Variants in RNF217 observed in about 807,000 individuals in gnomAD.
RNF217 encodes the protein ring finger protein 217.
In RNF217, 31 loss-of-function variants were observed where a neutral mutation model predicts 57.8. That is an observed-to-expected ratio of 0.54 (90% CI 0.40 to 0.72). RNF217 has a LOEUF of 0.72. RNF217 is among the 30% of genes least tolerant of loss of function. RNF217 has a pLI of 0.00. For synonymous variants in RNF217, 313 were observed against 294.0 expected (o/e 1.06, Z -0.66); for missense variants, 696 against 708.3 (o/e 0.98, Z 0.20).
chr6:125,003,629 G>C (rs886148318), intron 1 of RNF217, among the ~76,000 whole-genome samples: 1 of 152,014 alleles, frequency 6.6e-6, no homozygotes, highest in Non-Finnish European at 1.5e-5. Context: ...TGATGGATTT[G>C]TTAATTAGCT....
chr6:125,058,206 G>A (rs1562489397), intron 3 of RNF217, 100 bp downstream of exon 3: 2 of 1,015,620 alleles, frequency 2.0e-6, no homozygotes, highest in Non-Finnish European at 2.7e-6. Context: ...CTTAATGCAG[G>A]TATGTGGAAA....
chr6:125,006,639 G>A (rs72613294), intron 1 of RNF217, among the ~76,000 whole-genome samples: 2,840 of 152,200 alleles, frequency 0.019, 73 homozygotes, highest in East Asian at 0.11. Flanking sequence ...TCTGAGTTTT[G>A]ATTTTTACTA....
chr6:124,964,152 C>T (rs183541067), intron 1 of RNF217, among the ~76,000 whole-genome samples: 34 of 152,304 alleles, frequency 2.2e-4, no homozygotes, highest in Middle Eastern at 6.8e-3. Context: ...TGCACCAGAC[C>T]AGCTTTCCTT....
intron 3 of RNF217, among the ~76,000 whole-genome samples, chr6:125,062,228 T>G (rs1056947014): frequency 5.3e-5 from 8 of 152,108 alleles, no homozygotes; most frequent in Non-Finnish European, 1.0e-4. Flanking sequence ...TTTATCTTAT[T>G]TATGTATTAA....
chr6:124,976,980 A>G (rs199633519), intron 1 of RNF217, among the ~76,000 whole-genome samples: 3 of 152,214 alleles, frequency 2.0e-5, no homozygotes, highest in East Asian at 3.9e-4. Flanking sequence ...TTTTCCTGAT[A>G]CTTTGCTCGT....
chr6:125,040,468 A>G (rs906517520), intron 1 of RNF217, among the ~76,000 whole-genome samples: 1 of 152,196 alleles, frequency 6.6e-6, no homozygotes, highest in Non-Finnish European at 1.5e-5. Flanking sequence ...CACCCAAAAA[A>G]TGCCCAGGAC....
intron 1 of RNF217, among the ~76,000 whole-genome samples, chr6:124,970,723 C>T (rs968423430): frequency 1.3e-5 from 2 of 152,156 alleles, no homozygotes; most frequent in African/African-American, 4.8e-5. Flanking sequence ...GGATTGGAGA[C>T]TGAGTCCGAG....
chr6:125,017,632 C>T (rs145514839), intron 1 of RNF217, among the ~76,000 whole-genome samples: 18 of 152,238 alleles, frequency 1.2e-4, no homozygotes, highest in African/African-American at 4.1e-4. Context: ...GTTCTATAGG[C>T]CTTTAAGCTC....
At chr6:124,991,274 A>T (rs540878808) in intron 1 of RNF217, among the ~76,000 whole-genome samples, 1 of 152,198 alleles carries the variant, frequency 6.6e-6, no homozygotes, top group African/African-American at 2.4e-5. Context: ...GCTCTTTCTC[A>T]CATCAAACCC....
At chr6:125,019,831 AGT>A (rs1414959874) in intron 1 of RNF217, among the ~76,000 whole-genome samples, 3 of 140,276 alleles carry the variant, frequency 2.1e-5, no homozygotes, top group Non-Finnish European at 3.1e-5. Flanking sequence ...CCTTTTTTGC[AGT>A]GGGGGGGGAG....
In RNF217 at chr6:124,963,188, C is replaced by A; in HGVS notation, c.644C>A (p.Ser215Tyr). Reference protein sequence around the residue: ...PSPRLSLPTDSLSPDGGSIEL... With the variant: ...PSPRLSLPTDYLSPDGGSIEL... ...CCCCGACTGTCCCTCCCAACGGATT[C>A]CCTCTCCCCCGACGGCGGCAGCATC... Residue 215 changes from serine (S) to tyrosine (Y), a missense_variant, in exon 1 of 6, where the codon TCC becomes TAC. Ser to Tyr is a moderately radical substitution (Grantham distance 144). Coordinates refer to ENST00000521654, the MANE Select transcript of RNF217 (RefSeq NM_001286398.3). The A allele has an allele frequency of 6.5e-7, 1 of 1,536,044 alleles. No individual in the cohort carries two copies. Among genetic ancestry groups the A allele is most frequent in the Non-Finnish European group, 8.7e-7 (1 of 1,146,896 alleles).
chr6:124,985,668 A>T (rs17052573), intron 1 of RNF217, among the ~76,000 whole-genome samples: 1 of 152,032 alleles, frequency 6.6e-6, no homozygotes, highest in African/African-American at 2.4e-5. Context: ...TTAAGGACAC[A>T]TAAAGCCACA....
chr6:125,044,912 A>G (rs1199433202), intron 1 of RNF217, among the ~76,000 whole-genome samples: 1 of 152,104 alleles, frequency 6.6e-6, no homozygotes. Context: ...TTCCAGAAAC[A>G]TGAGATGATA....
chr6:125,003,792 C>T (rs1785070699), intron 1 of RNF217, among the ~76,000 whole-genome samples: 1 of 152,020 alleles, frequency 6.6e-6, no homozygotes, highest in Admixed American at 6.6e-5. Flanking sequence ...TATCTATTAT[C>T]AGAGCTCATA....
chr6:125,085,453 T>C lies in RNF217; in HGVS notation c.*2516T>C, dbSNP rs9401804. 3.9e-4 allele frequency: 60 copies of C among 151,976 alleles called. 1 individual carries two copies. In the East Asian group the frequency reaches 9.1e-3, roughly 23 times the overall value. The allele number at this position is 151,976 out of a possible 1,614,324, so 9.4% of individuals were successfully genotyped here. ...ATTATTTGTGAATTTTTTACTAAGT[T>C]TCATCAAGATCTTAAAAAGAGAGAA... On this transcript the variant is annotated 3_prime_UTR_variant, in exon 6 of 6. Coordinates refer to ENST00000521654, the MANE Select transcript of RNF217 (RefSeq NM_001286398.3).
intron 1 of RNF217, among the ~76,000 whole-genome samples, chr6:125,029,286 G>T (rs2759263): frequency 0.64 from 97,447 of 151,926 alleles, 32,524 homozygotes; most frequent in East Asian, 0.87. Flanking sequence ...CAAAAGCAAA[G>T]ACAGCTTTTT....
chr6:125,009,629 C>A, intron 1 of RNF217: 1 of 220,282 alleles, frequency 4.5e-6, no homozygotes. Flanking sequence ...TTTCTCCCTC[C>A]TGCCCTTCCT....
intron 1 of RNF217, among the ~76,000 whole-genome samples, chr6:124,970,503 A>G (rs1041317725): frequency 4.6e-5 from 7 of 152,212 alleles, no homozygotes; most frequent in African/African-American, 1.7e-4. Flanking sequence ...GGAATAGTGT[A>G]GGAGGACTAG....
chr6:124,996,186 G>A (rs1011663536), intron 1 of RNF217, among the ~76,000 whole-genome samples: 1 of 152,086 alleles, frequency 6.6e-6, no homozygotes, highest in Non-Finnish European at 1.5e-5. Flanking sequence ...GTACTTCATC[G>A]TATATTTAAG....
Sources: gnomAD v4.1 joint callset for allele counts (sites outside exome capture counted in the v4.1 genomes callset) on GRCh38, gnomAD v4.1.1 for gene constraint, MANE v1.5 for transcripts, NCBI Gene and HGNC (gene_info 2026-07-23, HGNC 2026-07-21) for gene names.